The following CCDC32 variants were observed in gnomAD, a reference collection of about 807,000 sequenced individuals.
CCDC32 encodes coiled-coil domain containing 32, also known as coiled-coil domain-containing protein 32.
A neutral mutation model predicts 20.1 loss-of-function variants in CCDC32; 9 were observed. The observed-to-expected ratio is 0.45, with a 90% confidence interval of 0.27 to 0.78. CCDC32 has a LOEUF of 0.78. Among genes scored for constraint, CCDC32 ranks in the 30% least tolerant of loss-of-function variants. The probability of loss-of-function intolerance (pLI) is 0.16; values close to 1 mark genes in which losing one functional copy is unlikely to be tolerated. For synonymous variants in CCDC32, 63 were observed against 79.0 expected, an observed-to-expected ratio of 0.80 and a Z score of 1.07; for missense variants, 204 against 215.5, an observed-to-expected ratio of 0.95 and a Z score of 0.33.
At chr15:40,536,066 C>G (rs989994099), downstream of CCDC32, 1 of 152,302 alleles carries the variant, frequency 6.6e-6, no homozygotes, top group African/African-American at 2.4e-5. Flanking sequence ...CTTCCCCAGT[C>G]TCAGGGTTGG....
intron 3 of CCDC32, among the ~76,000 whole-genome samples, chr15:40,544,274 G>A (rs1217440315): frequency 6.6e-6 from 1 of 152,042 alleles, no homozygotes; most frequent in Non-Finnish European, 1.5e-5. Context: ...GGTGCGGTAG[G>A]GCAATCATAG....
At chr15:40,562,424 C>T (rs1377989853) in intron 2 of CCDC32, among the ~76,000 whole-genome samples, 1 of 151,790 alleles carries the variant, frequency 6.6e-6, no homozygotes, top group African/African-American at 2.4e-5. Flanking sequence ...ACTAAAAATA[C>T]AAAAAATTAG....
downstream of CCDC32, chr15:40,535,571 TCTTCAGGCA>T: frequency 1.0e-6 from 1 of 985,144 alleles, no homozygotes. Flanking sequence ...TTTCGTTCAG[TCTTCAGGCA>T]CTTCATGGTT....
At chr15:40,538,736 T>G (rs1056197206), downstream of CCDC32, 39 of 152,514 alleles carry the variant, frequency 2.6e-4, 1 homozygote, top group African/African-American at 8.2e-4. Context: ...TTATTTTCTT[T>G]GAACTTTTCC....
At chr15:40,563,653 T>G (rs1890805994) in intron 1 of CCDC32, among the ~76,000 whole-genome samples, 1 of 146,724 alleles carries the variant, frequency 6.8e-6, no homozygotes, top group Admixed American at 7.0e-5. Flanking sequence ...GTTAAAATGG[T>G]CAATTTTATG....
intron 3 of CCDC32, among the ~76,000 whole-genome samples, chr15:40,548,029 C>A: frequency 6.6e-6 from 1 of 152,220 alleles, no homozygotes; most frequent in East Asian, 1.9e-4. Flanking sequence ...ACAGCCACAT[C>A]TTTGCCAAAG....
At chr15:40,557,468 C>T (rs1890325538) in intron 2 of CCDC32, 96 bp from the exon 3 acceptor site, 1 of 1,320,634 alleles carries the variant, frequency 7.6e-7, no homozygotes, top group East Asian at 2.4e-5. Context: ...AAATCTCTCA[C>T]CGATGAGGAC....
chr15:40,550,022 C>T (rs529152270), downstream of CCDC32, among the ~76,000 whole-genome samples: 25 of 152,256 alleles, frequency 1.6e-4, no homozygotes, highest in African/African-American at 5.3e-4. Flanking sequence ...GCAGCCAGGG[C>T]CTATTTCTGG....
intron 2 of CCDC32, chr15:40,557,769 G>A (rs1432712403): frequency 1.3e-5 from 2 of 153,782 alleles, no homozygotes; most frequent in African/African-American, 4.8e-5. Context: ...AGGAGTAAGT[G>A]GTTTTTTCTT....
At chr15:40,549,973 G>A (rs1011283105), downstream of CCDC32, among the ~76,000 whole-genome samples, 5 of 152,148 alleles carry the variant, frequency 3.3e-5, no homozygotes, top group South Asian at 2.1e-4. Context: ...GGTGCACCTC[G>A]GCCACAGCTG....
At chr15:40,563,107 A>G (rs556685651) in intron 1 of CCDC32, 80 bp from the exon 2 acceptor site, 1 of 1,494,752 alleles carries the variant, frequency 6.7e-7, no homozygotes, top group East Asian at 2.3e-5. Context: ...TCACGACTGT[A>G]ATCCCAACAC....
intron 2 of CCDC32, among the ~76,000 whole-genome samples, chr15:40,561,148 G>A (rs1186639415): frequency 6.6e-6 from 1 of 152,162 alleles, no homozygotes; most frequent in East Asian, 1.9e-4. Flanking sequence ...ACTTATAAGT[G>A]GGAGCTAAGC....
At chr15:40,536,311 A>C (rs1309163898), downstream of CCDC32, 1 of 152,462 alleles carries the variant, frequency 6.6e-6, no homozygotes, top group Non-Finnish European at 1.5e-5. Context: ...AAGGGGAAGG[A>C]GAGAAGACCG....
intron 2 of CCDC32, 44 bp downstream of exon 2, chr15:40,562,728 T>C (rs773732450): frequency 5.7e-6 from 9 of 1,571,502 alleles, no homozygotes; most frequent in African/African-American, 2.7e-5. Context: ...CCAAGTTTGA[T>C]GTAACAGAAC....
In CCDC32 at chr15:40,562,907, T is replaced by C; in HGVS notation, c.109A>G (p.Asn37Asp). The C allele has an allele frequency of 1.9e-6, 3 of 1,614,194 alleles. No individual in the cohort carries two copies. The highest frequency in any genetic ancestry group is 2.5e-6 in the Non-Finnish European group (3 of 1,180,042). Residue 37 changes from asparagine to aspartate, a missense_variant, in exon 2 of 4, where the codon AAT becomes GAT. By Grantham distance (23) the Asn-to-Asp change is conservative (BLOSUM62 1). Coordinates refer to ENST00000416810, the MANE Select transcript of CCDC32 (RefSeq NM_001080792.4). ...PNPEQEDGAN[N>D]AFSDSFVDSC... ...TCCACAAAGGAGTCTGAGAATGCAT[T>C]GTTGGCACCATCTTCTTGTTCAGGA...
At chr15:40,560,117 C>CA (rs1890518193) in intron 2 of CCDC32, among the ~76,000 whole-genome samples, 1 of 152,216 alleles carries the variant, frequency 6.6e-6, no homozygotes, top group African/African-American at 2.4e-5. Flanking sequence ...TCAAGCGATT[C>CA]TCCTGTCTCA....
downstream of CCDC32, among the ~76,000 whole-genome samples, chr15:40,523,939 A>G (rs1894865132): frequency 6.6e-6 from 1 of 152,188 alleles, no homozygotes. Flanking sequence ...ATTTTGTGGT[A>G]TTTACCCAAG....
At chr15:40,554,779 C>G (rs1890128730) in intron 3 of CCDC32, among the ~76,000 whole-genome samples, 1 of 152,158 alleles carries the variant, frequency 6.6e-6, no homozygotes, top group African/African-American at 2.4e-5. Flanking sequence ...TCAAGGTCCC[C>G]TACCCGCCTT....
downstream of CCDC32, chr15:40,534,913 G>C: frequency 1.4e-6 from 1 of 702,528 alleles, no homozygotes; most frequent in Non-Finnish European, 2.6e-6. Flanking sequence ...GAATGGTCTT[G>C]GAGTCAGATG....
Sources: gnomAD v4.1 joint callset for allele counts (sites outside exome capture counted in the v4.1 genomes callset) on GRCh38, gnomAD v4.1.1 for gene constraint, MANE v1.5 for transcripts, NCBI Gene and HGNC (gene_info 2026-07-23, HGNC 2026-07-21) for gene names.